CSGALNACT1: variants seen among roughly 807,000 people sequenced by gnomAD.
CSGALNACT1 encodes the protein beta4GalNAcT-1.
A neutral mutation model predicts 51.0 loss-of-function variants in CSGALNACT1; 52 were observed. The observed-to-expected ratio is 1.02, with a 90% CI of 0.82 to 1.29. The LOEUF (loss-of-function observed/expected upper bound fraction) is 1.29. CSGALNACT1 is among the 50% of genes most tolerant of loss of function. CSGALNACT1 has a pLI of 0.00. For synonymous variants in CSGALNACT1, 341 were observed against 254.4 expected, an observed-to-expected ratio of 1.34 and a Z score of -3.24; for missense variants, 935 against 679.2, an observed-to-expected ratio of 1.38 and a Z score of -4.19.
chr8:19,613,442 C>A (rs978976745), intron 1 of CSGALNACT1, among the ~76,000 whole-genome samples: 1 of 152,180 alleles, frequency 6.6e-6, no homozygotes, highest in Non-Finnish European at 1.5e-5. Flanking sequence ...GTTCACCATG[C>A]GCACACTATT....
At chr8:19,671,308 A>G (rs955306340) in intron 1 of CSGALNACT1, among the ~76,000 whole-genome samples, 1 of 152,206 alleles carries the variant, frequency 6.6e-6, no homozygotes, top group Non-Finnish European at 1.5e-5. Context: ...TGCTCTCTTC[A>G]ATCCTCTATT....
intron 1 of CSGALNACT1, among the ~76,000 whole-genome samples, chr8:19,654,122 CAG>C (rs1235465238): frequency 6.6e-6 from 1 of 152,218 alleles, no homozygotes; most frequent in African/African-American, 2.4e-5. Flanking sequence ...TGACTGCTTT[CAG>C]AGTGCTTGAG....
In CSGALNACT1 at chr8:19,757,059, G is replaced by C. The variant is rs116974592; in HGVS notation, c.-297+791C>G. On this transcript the variant is annotated intron_variant, in intron 1 of 1. Coordinates refer to the CSGALNACT1 transcript ENST00000517494. This position sits in a 1 kb window ranked among gnomAD's most constrained non-coding sequence, Gnocchi z 4.0. ...GGCACCGTCCTCCGCAGCTGCACGA[G>C]CCACCCCGAGGTCGCGGGGTGGGCG... is the stretch of plus-strand genomic sequence containing the variant. The C allele has an allele frequency of 6.6e-6, 1 of 150,408 alleles. No homozygotes were observed. Among genetic ancestry groups the C allele is most frequent in the Non-Finnish European group, 1.5e-5 (1 of 67,498 alleles). 9.3% of individuals were successfully genotyped at this position (150,408 alleles called of 1,614,324 possible).
chr8:19,754,090 T>C (rs1022186354), intron 1 of CSGALNACT1, among the ~76,000 whole-genome samples: 3 of 152,086 alleles, frequency 2.0e-5, no homozygotes, highest in Non-Finnish European at 4.4e-5. Context: ...GGCAGTGGCC[T>C]GATCTCAGCT....
intron 1 of CSGALNACT1, among the ~76,000 whole-genome samples, chr8:19,713,172 G>C (rs958098555): frequency 1.1e-4 from 17 of 152,158 alleles, no homozygotes; most frequent in African/African-American, 3.6e-4. Flanking sequence ...TGGACCCTGT[G>C]AAGGGTGCAC....
chr8:19,452,684 G>T (rs1172749573), intron 5 of CSGALNACT1, among the ~76,000 whole-genome samples: 1 of 152,098 alleles, frequency 6.6e-6, no homozygotes, highest in Non-Finnish European at 1.5e-5. Context: ...GAGTAAGTGG[G>T]ACTGACTCTT....
chr8:19,586,456 G>A (rs2046676001), intron 3 of CSGALNACT1, among the ~76,000 whole-genome samples: 1 of 151,196 alleles, frequency 6.6e-6, no homozygotes, highest in Non-Finnish European at 1.5e-5. Context: ...TCTTCCTAAT[G>A]TAGTGATTCT....
intron 4 of CSGALNACT1, among the ~76,000 whole-genome samples, chr8:19,504,278 G>A (rs1023081251): frequency 1.3e-5 from 2 of 152,164 alleles, no homozygotes; most frequent in African/African-American, 4.8e-5. Context: ...GGGTTTCACC[G>A]TGTTAGCCAG....
At chr8:19,633,996 C>T (rs190589596) in intron 1 of CSGALNACT1, among the ~76,000 whole-genome samples, 1 of 152,312 alleles carries the variant, frequency 6.6e-6, no homozygotes, top group Non-Finnish European at 1.5e-5. Context: ...AGTAACACAG[C>T]CTCCAGGGAT....
chr8:19,713,034 T>C (rs1027176139), intron 1 of CSGALNACT1, among the ~76,000 whole-genome samples: 6 of 152,210 alleles, frequency 3.9e-5, no homozygotes, highest in East Asian at 3.9e-4. Context: ...CTTCCTCCCA[T>C]CTTTCCAGTG....
intron 4 of CSGALNACT1, among the ~76,000 whole-genome samples, chr8:19,462,345 A>AC (rs1554581752): frequency 6.6e-6 from 1 of 151,646 alleles, no homozygotes; most frequent in Non-Finnish European, 1.5e-5. Flanking sequence ...CAGAGGAATG[A>AC]TTTTTTTTTC....
chr8:19,739,012 T>A (rs1008309439), intron 1 of CSGALNACT1, among the ~76,000 whole-genome samples: 1 of 152,114 alleles, frequency 6.6e-6, no homozygotes, highest in African/African-American at 2.4e-5. Context: ...CTTTTTGAGA[T>A]AAGGACAATT....
At chr8:19,689,176 T>A (rs917973671) in intron 1 of CSGALNACT1, among the ~76,000 whole-genome samples, 2 of 152,156 alleles carry the variant, frequency 1.3e-5, no homozygotes, top group African/African-American at 4.8e-5. Flanking sequence ...GCCATGTGCC[T>A]TCCAAGACGA....
At position 19,595,016 on chromosome 8, in the gene CSGALNACT1, G is replaced by A. The variant is rs75255965; in HGVS notation, c.-415-3738C>T. Among the ~76,000 whole-genome samples, 1,412 of 152,274 alleles carry A rather than the reference G, an allele frequency of 9.3e-3. 26 individuals are homozygous for A. The highest frequency in any genetic ancestry group is 0.032 in the African/African-American group (1,319 of 41,546). On this transcript the variant is annotated intron_variant, in intron 2 of 9. Transcript: ENST00000454498. ...GTCTGCAAGTTTTTATCGTATATGA[G>A]ATTTTGTGTCTGCGGGCTCCCCATC...
intron 3 of CSGALNACT1, among the ~76,000 whole-genome samples, chr8:19,554,082 T>G (rs1250841999): frequency 6.7e-6 from 1 of 149,256 alleles, no homozygotes; most frequent in Non-Finnish European, 1.5e-5. Flanking sequence ...AGAAAATTAG[T>G]AAGAGAATAA....
chr8:19,634,491 G>A (rs937828803), intron 1 of CSGALNACT1, among the ~76,000 whole-genome samples: 3 of 152,108 alleles, frequency 2.0e-5, no homozygotes, highest in Non-Finnish European at 2.9e-5. Context: ...ATGAGACCCT[G>A]TCTCTCCAAA....
At chr8:19,726,035 C>T (rs1487380015) in intron 1 of CSGALNACT1, among the ~76,000 whole-genome samples, 1 of 152,098 alleles carries the variant, frequency 6.6e-6, no homozygotes, top group Non-Finnish European at 1.5e-5. Flanking sequence ...CCTCTGTGTT[C>T]TGAAGGCTTA....
chr8:19,731,324 A>G (rs900667256), intron 1 of CSGALNACT1, among the ~76,000 whole-genome samples: 4 of 152,080 alleles, frequency 2.6e-5, no homozygotes, highest in Admixed American at 2.0e-4. Context: ...CCTGGCCAAC[A>G]TAATAAAACT....
chr8:19,636,523 G>GT (rs1041393871), intron 1 of CSGALNACT1, among the ~76,000 whole-genome samples: 1 of 152,124 alleles, frequency 6.6e-6, no homozygotes, highest in South Asian at 2.1e-4. Context: ...ATGGTGGACA[G>GT]TTTTTTATAT....
Sources: allele counts gnomAD v4.1 joint callset (sites outside exome capture counted in the v4.1 genomes callset), GRCh38; gene constraint gnomAD v4.1.1; non-coding constraint Gnocchi (gnomAD v3.1); transcripts MANE v1.5; gene names NCBI Gene and HGNC (gene_info 2026-07-23, HGNC 2026-07-21).